The following KDM5A variants were observed in gnomAD, a reference collection of about 807,000 sequenced individuals.
KDM5A encodes the protein lysine-specific demethylase 5A.
A neutral mutation model predicts 193.5 loss-of-function variants in KDM5A; 42 were observed. That is an observed-to-expected ratio of 0.22 (90% CI 0.17 to 0.28). The LOEUF is 0.28. Among genes scored for constraint, KDM5A ranks in the 10% least tolerant of loss-of-function variants. KDM5A has a pLI of 1.00. For missense variants in KDM5A, 1,692 were observed against 2,055.1 expected (o/e 0.82, Z 3.42); for synonymous variants, 796 against 718.1 (o/e 1.11, Z -1.73).
intron 5 of KDM5A, among the ~76,000 whole-genome samples, chr12:359,761 G>C (rs537932066): frequency 6.8e-6 from 1 of 146,540 alleles, no homozygotes; most frequent in Admixed American, 6.8e-5. Flanking sequence ...AAAAGGGTGG[G>C]GGGGAGTGGG....
chr12:290,267 G>C (rs1267812284), intron 27 of KDM5A, among the ~76,000 whole-genome samples: 1 of 152,030 alleles, frequency 6.6e-6, no homozygotes, highest in Non-Finnish European at 1.5e-5. Flanking sequence ...ATCAATGTCA[G>C]GAACAAACAT....
chr12:282,793 CAAGT>C lies in KDM5A; in HGVS notation c.*2659_*2662del, dbSNP rs761064456. ...CAAAATATTACAATACAGAAGGGAG[CAAGT>C]AAGTAATTTTCTCTAAGTGAAAATA... On this transcript the variant is annotated 3_prime_UTR_variant, in exon 28 of 28. Coordinates refer to ENST00000399788, the MANE Select transcript of KDM5A (RefSeq NM_001042603.3). The C allele has an allele frequency of 1.5e-4, 35 of 232,504 alleles. No individual in the cohort carries two copies. Among genetic ancestry groups the C allele is most frequent in the South Asian group, 3.6e-4 (2 of 5,510 alleles). The allele number at this position is 232,504 out of a possible 1,614,324, so 14.4% of individuals were successfully genotyped here. A position where few individuals can be genotyped will look rare whatever the true frequency, so the allele number is the denominator to read the frequency against.
rs1943157467 is a variant in KDM5A at position 281,863 on chromosome 12, C to T, written c.*3593G>A. On this transcript the variant is annotated 3_prime_UTR_variant, in exon 28 of 28. Transcript: ENST00000399788. ...GACAAGCAAGTAGTTTCTTGGCGTGCACGAATTGCATCCAGAACCCAAAAA... is the reference window on the plus strand; with the variant it reads ...GACAAGCAAGTAGTTTCTTGGCGTGTACGAATTGCATCCAGAACCCAAAAA... The T allele has an allele frequency of 1.5e-5, 4 of 275,178 alleles. No individual in the cohort carries two copies. The highest frequency in any genetic ancestry group is 2.2e-5 in the African/African-American group (1 of 45,906). The allele number at this position is 275,178 out of a possible 1,614,324, so 17.0% of individuals were successfully genotyped here. A position where few individuals can be genotyped will look rare whatever the true frequency, so the allele number is the denominator to read the frequency against.
intron 7 of KDM5A, among the ~76,000 whole-genome samples, chr12:354,686 G>A (rs1279495497): frequency 1.3e-5 from 2 of 152,012 alleles, no homozygotes; most frequent in Non-Finnish European, 2.9e-5. Context: ...AGAATGGCAT[G>A]AGCCCGAGAG....
At chr12:352,978 C>A (rs938767124) in intron 8 of KDM5A, among the ~76,000 whole-genome samples, 1 of 152,122 alleles carries the variant, frequency 6.6e-6, no homozygotes, top group Non-Finnish European at 1.5e-5. Context: ...AGGCATTTCA[C>A]GACAATGACA....
chr12:344,144 TC>T (rs1944041279), intron 10 of KDM5A, among the ~76,000 whole-genome samples: 2 of 152,168 alleles, frequency 1.3e-5, no homozygotes, highest in Non-Finnish European at 2.9e-5. Context: ...GCCAATTTGA[TC>T]AAGTGGAAGA....
chr12:323,260 CA>C, intron 15 of KDM5A, 54 bp from the exon 16 acceptor site: 1 of 1,295,054 alleles, frequency 7.7e-7, no homozygotes, highest in Non-Finnish European at 9.9e-7. Context: ...ATAAAAACCT[CA>C]AAAACCAACA....
chr12:360,449 C>T (rs147926609), intron 5 of KDM5A, among the ~76,000 whole-genome samples: 3,750 of 151,956 alleles, frequency 0.025, 74 homozygotes, highest in Middle Eastern at 0.044. Context: ...AGGAGGAAAA[C>T]CAGAAGAGAA....
intron 27 of KDM5A, chr12:286,034 T>A (rs1943216491): frequency 4.2e-5 from 17 of 407,606 alleles, no homozygotes; most frequent in South Asian, 3.5e-4. Context: ...CAATTATCAA[T>A]CAAGAAAGGA....
intron 3 of KDM5A, among the ~76,000 whole-genome samples, chr12:369,018 T>A (rs1389349678): frequency 1.3e-5 from 2 of 152,206 alleles, no homozygotes; most frequent in African/African-American, 4.8e-5. Flanking sequence ...GATGTTATTA[T>A]AAACAAAGAT....
At chr12:364,029 A>G (rs1030400390) in intron 4 of KDM5A, among the ~76,000 whole-genome samples, 10 of 152,234 alleles carry the variant, frequency 6.6e-5, no homozygotes, top group African/African-American at 2.2e-4. Context: ...ACAATAAGGT[A>G]TCACTATACA....
chr12:310,402 G>T (rs552493644), intron 21 of KDM5A, among the ~76,000 whole-genome samples: 6 of 152,130 alleles, frequency 3.9e-5, no homozygotes, highest in Non-Finnish European at 7.4e-5. Flanking sequence ...AGACTGAGGC[G>T]GGCGCATCAC....
At chr12:349,204 G>A (rs1468825766) in intron 10 of KDM5A, among the ~76,000 whole-genome samples, 1 of 151,938 alleles carries the variant, frequency 6.6e-6, no homozygotes, top group African/African-American at 2.4e-5. Flanking sequence ...ATATTTAGTA[G>A]AGACGGGGTT....
At chr12:325,009 A>G (rs1179256635) in intron 14 of KDM5A, among the ~76,000 whole-genome samples, 1 of 152,242 alleles carries the variant, frequency 6.6e-6, no homozygotes, top group Non-Finnish European at 1.5e-5. Context: ...CAATAAGAGC[A>G]AACTCTCTTC....
At chr12:338,800 G>C (rs1943964990) in intron 10 of KDM5A, among the ~76,000 whole-genome samples, 1 of 151,934 alleles carries the variant, frequency 6.6e-6, no homozygotes, top group African/African-American at 2.4e-5. Flanking sequence ...AGGAGGACAA[G>C]CAGAAAAAAA....
At chr12:343,789 T>G (rs1055966118) in intron 10 of KDM5A, among the ~76,000 whole-genome samples, 4 of 152,120 alleles carry the variant, frequency 2.6e-5, no homozygotes, top group African/African-American at 9.7e-5. Flanking sequence ...CAAAGGTAGA[T>G]AAAACCACAA....
At chr12:321,364 T>C (rs1051298674) in intron 17 of KDM5A, among the ~76,000 whole-genome samples, 6 of 152,216 alleles carry the variant, frequency 3.9e-5, no homozygotes, top group Non-Finnish European at 8.8e-5. Context: ...TCCTCATAGT[T>C]GGAATATTAA....
intron 3 of KDM5A, among the ~76,000 whole-genome samples, chr12:371,902 C>T (rs891239886): frequency 1.5e-4 from 23 of 152,246 alleles, no homozygotes; most frequent in Admixed American, 2.6e-4. Flanking sequence ...AAAGATCAGA[C>T]GGTTGCAGAT....
At chr12:369,884 G>A (rs1944404609) in intron 3 of KDM5A, among the ~76,000 whole-genome samples, 1 of 152,182 alleles carries the variant, frequency 6.6e-6, no homozygotes, top group Non-Finnish European at 1.5e-5. Context: ...TGATACACCT[G>A]CATGGATCCA....
Sources: allele counts gnomAD v4.1 joint callset (sites outside exome capture counted in the v4.1 genomes callset), GRCh38; gene constraint gnomAD v4.1.1; transcripts MANE v1.5; gene names NCBI Gene and HGNC (gene_info 2026-07-23, HGNC 2026-07-21).